Variants in SHC2 observed in about 807,000 individuals in gnomAD.
The protein encoded by SHC2 is SHC adaptor protein 2.
A neutral mutation model predicts 60.6 loss-of-function variants in SHC2; 62 were observed. That is an observed-to-expected ratio of 1.02 (90% CI 0.83 to 1.26). The LOEUF (loss-of-function observed/expected upper bound fraction) is 1.26. Ranked by LOEUF, SHC2 falls within the 50% of genes most tolerant of loss-of-function variation. SHC2 has a pLI of 0.00. For missense variants in SHC2, 873 were observed against 822.2 expected (o/e 1.06, Z -0.76); for synonymous variants, 375 against 372.4 (o/e 1.01, Z -0.08).
Position 425,189 on chromosome 19 carries a change from G to A in SHC2, c.1217C>T (p.Pro406Leu). 7.4e-7 allele frequency: 1 copy of A among 1,346,020 alleles called. No individual in the cohort carries two copies. The highest frequency in any genetic ancestry group is 9.6e-7 in the Non-Finnish European group (1 of 1,039,130). The allele number at this position is 1,346,020 out of a possible 1,614,324, so 83.4% of individuals were successfully genotyped here. The change falls in exon 10 of 13, where the codon CCC becomes CTC. Residue 406 changes from proline to leucine, a missense_variant. Pro to Leu is a moderately conservative substitution (Grantham distance 98). Transcript: ENST00000264554. This position sits in a 1 kb window ranked among gnomAD's most constrained non-coding sequence, Gnocchi z 4.1. ...DGYVQADARG[P>L]PDHEEHLYVN... ...ATACAGGTGCTCCTCGTGGTCCGGG[G>A]GGCCCCGGGCGTCCGCCTGCACGTA... is the stretch of plus-strand genomic sequence containing the variant.
At chr19:447,856 A>G (rs1975087174) in intron 1 of SHC2, among the ~76,000 whole-genome samples, 3 of 152,264 alleles carry the variant, frequency 2.0e-5, no homozygotes, top group African/African-American at 7.2e-5. Context: ...TTCCATTAAA[A>G]TAAATATATT....
At chr19:429,120 C>G (rs1453248604) in intron 9 of SHC2, among the ~76,000 whole-genome samples, 1 of 149,884 alleles carries the variant, frequency 6.7e-6, no homozygotes, top group Non-Finnish European at 1.5e-5. Flanking sequence ...TGCACGGAAA[C>G]CTAACACTGT....
chr19:429,316 C>G (rs998973823), intron 9 of SHC2, among the ~76,000 whole-genome samples: 6 of 148,870 alleles, frequency 4.0e-5, no homozygotes, highest in Non-Finnish European at 8.9e-5. Flanking sequence ...TGCACGGAAA[C>G]CTAACACCGT....
chr19:441,013 G>A lies in SHC2; in HGVS notation c.469-81C>T, dbSNP rs1293468727. Reference sequence around the variant, plus strand: ...TCCCTTTTCCCAGCAGCCCTTCGCCGCCTCCACCACCCCTGGGGTCGAGCC... The same window carrying A: ...TCCCTTTTCCCAGCAGCCCTTCGCCACCTCCACCACCCCTGGGGTCGAGCC... On this transcript the variant is annotated intron_variant, in intron 1 of 12. Transcript: ENST00000264554. This position sits in a 1 kb window ranked among gnomAD's most constrained non-coding sequence, Gnocchi z 4.9. The A allele has an allele frequency of 1.4e-5, 22 of 1,540,020 alleles. No individual in the cohort carries two copies. Among genetic ancestry groups the A allele is most frequent in the South Asian group, 1.0e-4 (9 of 88,718 alleles).
intron 1 of SHC2, among the ~76,000 whole-genome samples, chr19:458,750 C>T (rs1454041069): frequency 0.041 from 4,612 of 113,344 alleles, 82 homozygotes; most frequent in Middle Eastern, 0.092. Flanking sequence ...GAGGCGGAAG[C>T]GGGTCCCGGG....
At chr19:421,144 A>G in intron 11 of SHC2, among the ~76,000 whole-genome samples, 1 of 152,040 alleles carries the variant, frequency 6.6e-6, no homozygotes, top group East Asian at 1.9e-4. Context: ...CACGCCTGTA[A>G]TCCCAGCACT....
At chr19:459,806 G>A (rs1335125596) in intron 1 of SHC2, among the ~76,000 whole-genome samples, 1 of 152,222 alleles carries the variant, frequency 6.6e-6, no homozygotes, top group Non-Finnish European at 1.5e-5. Context: ...CCCAGACGCC[G>A]TAATGACTGC....
At chr19:457,133 A>G (rs1229604489) in intron 1 of SHC2, among the ~76,000 whole-genome samples, 3 of 120,318 alleles carry the variant, frequency 2.5e-5, no homozygotes, top group Admixed American at 8.0e-5. Context: ...CCCGACTAGA[A>G]CTCTGTCTGC....
chr19:438,086 C>T lies in SHC2; in HGVS notation c.720+632G>A, dbSNP rs768622234. ...TGCAACCTCCACTCCCAGGTTCAAGCGATTCTCCTGCCTCAGCCTCCCAAG... is the reference window on the plus strand; with the variant it reads ...TGCAACCTCCACTCCCAGGTTCAAGTGATTCTCCTGCCTCAGCCTCCCAAG... On this transcript the variant is annotated intron_variant, in intron 4 of 12. Coordinates refer to ENST00000264554, the MANE Select transcript of SHC2 (RefSeq NM_012435.3). The surrounding 1 kb of genome is among the most constrained non-coding windows in gnomAD (Gnocchi z 5.0). Among the ~76,000 whole-genome samples, 15 of 152,194 alleles carry T rather than the reference C, an allele frequency of 9.9e-5. No individual in the cohort carries two copies. Among genetic ancestry groups the T allele is most frequent in the African/African-American group, 1.9e-4 (8 of 41,440 alleles).
At chr19:420,723 T>C (rs533934286) in intron 11 of SHC2, among the ~76,000 whole-genome samples, 1 of 152,164 alleles carries the variant, frequency 6.6e-6, no homozygotes. Context: ...TCTAGAGATA[T>C]CAAAATTCAG....
chr19:435,983 G>A (rs1476014502), intron 7 of SHC2, 182 bp downstream of exon 7: 8 of 634,594 alleles, frequency 1.3e-5, no homozygotes, highest in East Asian at 2.8e-5. Flanking sequence ...GCGGGGATGC[G>A]TTTACTCGGG....
chr19:453,728 C>T lies in SHC2; in HGVS notation c.468+6801G>A, dbSNP rs1449257568. 6.6e-6 allele frequency among the ~76,000 whole-genome samples: 1 copy of T among 152,204 alleles called. No homozygotes were observed. Among genetic ancestry groups the T allele is most frequent in the South Asian group, 2.1e-4 (1 of 4,834 alleles). Reference sequence around the variant, plus strand: ...CCCCGCACCTCCCAGCTTAAGGGACCCGCGATGCAGGAAGGATGAAGTGTC... The same window carrying T: ...CCCCGCACCTCCCAGCTTAAGGGACTCGCGATGCAGGAAGGATGAAGTGTC... On this transcript the variant is annotated intron_variant, in intron 1 of 12. Coordinates refer to ENST00000264554, the MANE Select transcript of SHC2 (RefSeq NM_012435.3). This position sits in a 1 kb window ranked among gnomAD's most constrained non-coding sequence, Gnocchi z 6.3.
At chr19:437,574 G>C (rs62102125) in intron 4 of SHC2, among the ~76,000 whole-genome samples, 2 of 152,054 alleles carry the variant, frequency 1.3e-5, no homozygotes, top group African/African-American at 4.8e-5. Flanking sequence ...GGGTCTGCTT[G>C]GAGCCTCAGT....
At chr19:452,723 G>A (rs917810609) in intron 1 of SHC2, among the ~76,000 whole-genome samples, 9 of 152,194 alleles carry the variant, frequency 5.9e-5, no homozygotes, top group African/African-American at 9.7e-5. Context: ...GTAGTTGATC[G>A]GCAGGACGGC....
At chr19:452,079 GCA>G (rs1975214587) in intron 1 of SHC2, among the ~76,000 whole-genome samples, 1 of 152,204 alleles carries the variant, frequency 6.6e-6, no homozygotes, top group African/African-American at 2.4e-5. Context: ...AGTGGACCCT[GCA>G]CATTTACAGG....
chr19:423,646 G>A (rs902791984), intron 10 of SHC2, among the ~76,000 whole-genome samples: 1 of 147,366 alleles, frequency 6.8e-6, no homozygotes, highest in Non-Finnish European at 1.5e-5. Flanking sequence ...CTGGTCTCCC[G>A]CCCCTCCAGC....
intron 8 of SHC2, among the ~76,000 whole-genome samples, chr19:431,002 TC>T (rs1974573110): frequency 6.6e-6 from 1 of 152,168 alleles, no homozygotes; most frequent in Admixed American, 6.5e-5. Flanking sequence ...CAATGGCTGT[TC>T]CCCCTGCCTG....
chr19:430,458 G>C (rs117230077), intron 9 of SHC2, among the ~76,000 whole-genome samples: 2,286 of 152,308 alleles, frequency 0.015, 52 homozygotes, highest in East Asian at 0.092. Context: ...ACCTAATACC[G>C]TGTGGATAAT....
At chr19:434,375 AGAT>A (rs1009282091) in intron 8 of SHC2, among the ~76,000 whole-genome samples, 13 of 36,962 alleles carry the variant, frequency 3.5e-4, no homozygotes, top group Non-Finnish European at 5.3e-4. Context: ...ATCGTGAGTG[AGAT>A]GATGAGTCTG....
Sources: gnomAD v4.1 joint callset for allele counts (sites outside exome capture counted in the v4.1 genomes callset) on GRCh38, gnomAD v4.1.1 for gene constraint, Gnocchi (gnomAD v3.1) non-coding constraint, MANE v1.5 for transcripts, NCBI Gene and HGNC (gene_info 2026-07-23, HGNC 2026-07-21) for gene names.